Variants in ROBO1 observed in about 807,000 individuals in gnomAD.
ROBO1 encodes roundabout homolog 1.
A neutral mutation model predicts 195.9 loss-of-function variants in ROBO1; 149 were observed. The ratio of observed to expected loss-of-function variants is 0.76; its 90% CI spans 0.67 to 0.87. The LOEUF (loss-of-function observed/expected upper bound fraction) is 0.87. Among genes scored for constraint, ROBO1 ranks in the 40% least tolerant of loss-of-function variants. The probability of loss-of-function intolerance (pLI) is 0.00; values close to 1 mark genes in which losing one functional copy is unlikely to be tolerated. For missense variants in ROBO1, 1,933 were observed against 2,068.3 expected (o/e 0.93, Z 1.27); for synonymous variants, 816 against 733.2 (o/e 1.11, Z -1.82).
At chr3:78,858,971 C>G (rs766391199) in intron 4 of ROBO1, among the ~76,000 whole-genome samples, 3 of 152,164 alleles carry the variant, frequency 2.0e-5, no homozygotes, top group Non-Finnish European at 4.4e-5. Context: ...ATTCTGTGAA[C>G]TGCTTTGATC....
chr3:78,719,219 T>A (rs1022606281), intron 5 of ROBO1, among the ~76,000 whole-genome samples: 3 of 152,150 alleles, frequency 2.0e-5, no homozygotes, highest in African/African-American at 2.4e-5. Context: ...ATAACCAGAA[T>A]GACGCCTGCA....
intron 3 of ROBO1, among the ~76,000 whole-genome samples, chr3:79,050,311 A>G (rs1034173849): frequency 5.9e-5 from 9 of 152,218 alleles, no homozygotes; most frequent in African/African-American, 9.6e-5. Context: ...AGGCCATTAC[A>G]TAATGGTAAA....
In ROBO1 at chr3:79,767,796, A is replaced by G. The variant is rs1705074826; in HGVS notation, c.-95T>C. 6.6e-6 allele frequency: 1 copy of G among 152,220 alleles called. No homozygotes were observed. The highest frequency in any genetic ancestry group is 1.5e-5 in the Non-Finnish European group (1 of 68,046). 9.4% of individuals were successfully genotyped at this position (152,220 alleles called of 1,614,324 possible). The stretch of plus-strand genomic sequence containing the variant: ...CAGCAATCTAGAGGCTCCGTAGTGC[A>G]GACGCAGCCCTGCAACTTTGCTGTG... On this transcript the variant is annotated 5_prime_UTR_variant, in exon 1 of 31. Coordinates refer to ENST00000464233, the MANE Select transcript of ROBO1 (RefSeq NM_002941.4).
rs1575748858 is a variant in ROBO1 at position 78,598,018 on chromosome 3, T to TAA, written c.*893_*894dup. The TAA allele has an allele frequency of 6.6e-6, 1 of 152,140 alleles. No homozygotes were observed. The highest frequency in any genetic ancestry group is 1.5e-5 in the Non-Finnish European group (1 of 67,950). The allele number at this position is 152,140 out of a possible 1,614,324, so 9.4% of individuals were successfully genotyped here. A position where few individuals can be genotyped will look rare whatever the true frequency, so the allele number is the denominator to read the frequency against. On this transcript the variant is annotated 3_prime_UTR_variant, in exon 31 of 31. Coordinates refer to ENST00000464233, the MANE Select transcript of ROBO1 (RefSeq NM_002941.4). ...TACAAAAACAAAAATCAAACTTCCT[T>TAA]AAGTGGCACTTCTGAAAGTTGAACT...
At chr3:79,377,533 T>C (rs1305842209) in intron 2 of ROBO1, among the ~76,000 whole-genome samples, 1 of 152,206 alleles carries the variant, frequency 6.6e-6, no homozygotes, top group East Asian at 1.9e-4. Flanking sequence ...GAATTGCACC[T>C]CCTTTATTGT....
intron 4 of ROBO1, among the ~76,000 whole-genome samples, chr3:78,904,793 C>T (rs2037805525): frequency 6.6e-6 from 1 of 150,714 alleles, no homozygotes; most frequent in African/African-American, 2.4e-5. Context: ...TATACATTTG[C>T]TGATATTGGA....
intron 1 of ROBO1, among the ~76,000 whole-genome samples, chr3:79,614,501 G>A (rs1944759711): frequency 6.6e-6 from 1 of 152,060 alleles, no homozygotes; most frequent in Non-Finnish European, 1.5e-5. Flanking sequence ...TAAGAAATAA[G>A]TGTGCTTAGC....
intron 3 of ROBO1, among the ~76,000 whole-genome samples, chr3:79,090,272 C>T (rs1559651351): frequency 6.6e-6 from 1 of 152,022 alleles, no homozygotes; most frequent in Non-Finnish European, 1.5e-5. Context: ...GTTGTTTTTA[C>T]GTGGAAAGGC....
At chr3:78,836,467 A>T (rs894682193) in intron 4 of ROBO1, among the ~76,000 whole-genome samples, 5 of 144,022 alleles carry the variant, frequency 3.5e-5, no homozygotes, top group Non-Finnish European at 6.0e-5. Context: ...AGCCAGGATC[A>T]TGCCACTGCA....
intron 1 of ROBO1, among the ~76,000 whole-genome samples, chr3:79,638,111 A>T (rs1945549804): frequency 6.6e-6 from 1 of 152,216 alleles, no homozygotes; most frequent in African/African-American, 2.4e-5. Context: ...CTCCATTAGG[A>T]AAGTAAGACA....
intron 4 of ROBO1, among the ~76,000 whole-genome samples, chr3:78,927,516 C>A (rs1373065355): frequency 2.0e-5 from 3 of 152,260 alleles, no homozygotes; most frequent in East Asian, 1.9e-4. Flanking sequence ...TGTATCATAT[C>A]ATTTTTGAAT....
Position 79,372,871 on chromosome 3 carries a change from A to T in ROBO1, c.88+216953T>A, listed in dbSNP as rs192975153. Among the ~76,000 whole-genome samples, 267 of 152,124 alleles carry T rather than the reference A, an allele frequency of 1.8e-3. 3 individuals carry two copies. The highest frequency in any genetic ancestry group is 5.0e-3 in the Admixed American group (76 of 15,270). On this transcript the variant is annotated intron_variant, in intron 2 of 30. Coordinates refer to ENST00000464233, the MANE Select transcript of ROBO1 (RefSeq NM_002941.4). ...ACTAAAATATAGATGGTATATTAGC[A>T]TGTTGTAAAAACTAGTATTTTTTTT...
intron 1 of ROBO1, among the ~76,000 whole-genome samples, chr3:79,764,705 C>A (rs924176711): frequency 1.3e-5 from 2 of 152,200 alleles, no homozygotes; most frequent in Admixed American, 1.3e-4. Flanking sequence ...TATAGCTAAG[C>A]ACAACACTAC....
At chr3:79,413,367 C>T (rs1042725180) in intron 2 of ROBO1, among the ~76,000 whole-genome samples, 1 of 151,224 alleles carries the variant, frequency 6.6e-6, no homozygotes, top group South Asian at 2.1e-4. Flanking sequence ...TGGCCAGGTG[C>T]AGAGAAAAGT....
At chr3:79,048,536 G>A (rs888587875) in intron 3 of ROBO1, among the ~76,000 whole-genome samples, 19 of 152,122 alleles carry the variant, frequency 1.2e-4, no homozygotes, top group African/African-American at 4.6e-4. Context: ...GCAGCTGAGT[G>A]TGGTTGGAGA....
At chr3:78,860,388 GAATCA>G (rs1261460936) in intron 4 of ROBO1, among the ~76,000 whole-genome samples, 1 of 142,042 alleles carries the variant, frequency 7.0e-6, no homozygotes, top group Admixed American at 7.4e-5. Flanking sequence ...ACTGCTTCAA[GAATCA>G]AATGATGTCC....
At chr3:79,020,911 T>A (rs985698921) in intron 3 of ROBO1, among the ~76,000 whole-genome samples, 3 of 152,118 alleles carry the variant, frequency 2.0e-5, no homozygotes, top group Non-Finnish European at 4.4e-5. Context: ...GATTTGCTCT[T>A]TTCTACATAG....
At chr3:78,932,760 T>C (rs1173466795) in intron 4 of ROBO1, among the ~76,000 whole-genome samples, 1 of 152,160 alleles carries the variant, frequency 6.6e-6, no homozygotes, top group East Asian at 1.9e-4. Context: ...ACTAGACGGA[T>C]ACACACCCAA....
intron 23 of ROBO1, chr3:78,634,317 A>G (rs1336103028): frequency 1.2e-5 from 2 of 166,956 alleles, no homozygotes; most frequent in East Asian, 1.6e-4. Flanking sequence ...ATAAATCACA[A>G]TACATAAAAA....
Sources: gnomAD v4.1 joint callset for allele counts (sites outside exome capture counted in the v4.1 genomes callset) on GRCh38, gnomAD v4.1.1 for gene constraint, MANE v1.5 for transcripts, NCBI Gene and HGNC (gene_info 2026-07-23, HGNC 2026-07-21) for gene names.